ZNF723: variants seen among roughly 807,000 people sequenced by gnomAD.
ZNF723 encodes the protein zinc finger protein 723.
A neutral mutation model predicts 9.4 loss-of-function variants in ZNF723; 5 were observed. The observed-to-expected ratio is 0.53, with a 90% CI of 0.28 to 1.12. The LOEUF is 1.12. Among genes scored for constraint, ZNF723 ranks in the 50% most tolerant of loss-of-function variants. The pLI is 0.10. For missense variants in ZNF723, 450 were observed against 501.5 expected (o/e 0.90, Z 0.98); for synonymous variants, 158 against 168.8 (o/e 0.94, Z 0.49).
chr19:22,837,290 A>AC (rs1452458808), intron 1 of ZNF723, among the ~76,000 whole-genome samples: 1 of 151,256 alleles, frequency 6.6e-6, no homozygotes, highest in Non-Finnish European at 1.5e-5. Context: ...AAAAAAAAAA[A>AC]AGAAAGAAAG....
the ZNF723 span, among the ~76,000 whole-genome samples, chr19:22,820,761 C>T: frequency 5.3e-4 from 81 of 152,260 alleles, no homozygotes; most frequent in African/African-American, 1.7e-3. Flanking sequence ...ACGGCACACA[C>T]GTGATACGGT....
chr19:22,832,484 C>G, intron 1 of ZNF723, 102 bp downstream of exon 1: 1 of 1,196,828 alleles, frequency 8.4e-7, no homozygotes, highest in South Asian at 1.2e-5. Flanking sequence ...GTCAGCCCCA[C>G]AATCTGCGCT....
chr19:22,827,352 A>G (rs1967045399), upstream of ZNF723, among the ~76,000 whole-genome samples: 1 of 152,292 alleles, frequency 6.6e-6, no homozygotes, highest in Admixed American at 6.5e-5. Context: ...ATCATTATCT[A>G]GCTAATTATT....
At chr19:22,846,297 T>A (rs192969580) in intron 1 of ZNF723, among the ~76,000 whole-genome samples, 2 of 152,248 alleles carry the variant, frequency 1.3e-5, no homozygotes, top group East Asian at 3.9e-4. Flanking sequence ...CCATTAGCAC[T>A]ATGCAGAACG....
Position 22,858,218 on chromosome 19 carries a change from CATA to C in ZNF723, c.1329_1331del (p.His443_Lys444delinsGln). On this transcript the variant is annotated inframe_deletion, in exon 4 of 4. Transcript: ENST00000600766. The stretch of plus-strand genomic sequence containing the variant: ...TAGCCAATCCTCAACCCTTACTAAA[CATA>C]AGATAATTCATACTAAAGAGAAACC... The C allele has an allele frequency of 7.3e-7, 1 of 1,370,274 alleles. No individual in the cohort carries two copies. Among genetic ancestry groups the C allele is most frequent in the Non-Finnish European group, 1.0e-6 (1 of 960,854 alleles). The allele number at this position is 1,370,274 out of a possible 1,614,324, so 84.9% of individuals were successfully genotyped here. A position where few individuals can be genotyped will look rare whatever the true frequency, so the allele number is the denominator to read the frequency against.
intron 1 of ZNF723, among the ~76,000 whole-genome samples, chr19:22,838,557 GA>G (rs1179334708): frequency 6.7e-6 from 1 of 149,632 alleles, no homozygotes; most frequent in Non-Finnish European, 1.5e-5. Flanking sequence ...GTCTCAAAAA[GA>G]AAAAAAAAGA....
chr19:22,830,456 C>T (rs545717720), upstream of ZNF723, among the ~76,000 whole-genome samples: 3 of 152,212 alleles, frequency 2.0e-5, no homozygotes, highest in South Asian at 4.2e-4. Context: ...GTGTGAGGCG[C>T]CGTGTGCTTC....
chr19:22,841,863 G>A (rs1967249945), intron 1 of ZNF723, among the ~76,000 whole-genome samples: 1 of 152,064 alleles, frequency 6.6e-6, no homozygotes, highest in Non-Finnish European at 1.5e-5. Flanking sequence ...TCTGAATCTA[G>A]GTCTTGAGAT....
the ZNF723 span, among the ~76,000 whole-genome samples, chr19:22,823,786 C>G: frequency 6.6e-6 from 1 of 152,220 alleles, no homozygotes; most frequent in African/African-American, 2.4e-5. Context: ...TGACATATTT[C>G]TGAATCCAGC....
intron 1 of ZNF723, among the ~76,000 whole-genome samples, chr19:22,847,696 A>C (rs1332810959): frequency 6.6e-6 from 1 of 152,172 alleles, no homozygotes; most frequent in Non-Finnish European, 1.5e-5. Flanking sequence ...TAATGCCTTT[A>C]ATTTTATACT....
chr19:22,839,898 T>C (rs1967218956), intron 1 of ZNF723, among the ~76,000 whole-genome samples: 2 of 152,244 alleles, frequency 1.3e-5, no homozygotes, highest in Non-Finnish European at 2.9e-5. Flanking sequence ...ATATGCTTGT[T>C]AGCCACACGT....
the ZNF723 span, among the ~76,000 whole-genome samples, chr19:22,815,078 G>C: frequency 1.3e-5 from 2 of 151,984 alleles, no homozygotes; most frequent in Non-Finnish European, 2.9e-5. Flanking sequence ...TAGGGGATGT[G>C]ACTCTCCTTT....
chr19:22,825,004 A>G, the ZNF723 span, among the ~76,000 whole-genome samples: 1 of 152,196 alleles, frequency 6.6e-6, no homozygotes, highest in East Asian at 1.9e-4. Context: ...TGAGTGGTAC[A>G]TGGAATGTCA....
intron 1 of ZNF723, among the ~76,000 whole-genome samples, chr19:22,841,895 A>G (rs530843651): frequency 4.6e-5 from 7 of 152,342 alleles, no homozygotes; most frequent in South Asian, 2.1e-4. Flanking sequence ...AAAAAAAGAA[A>G]AAAACAAACC....
the ZNF723 span, among the ~76,000 whole-genome samples, chr19:22,819,640 T>A: frequency 6.6e-6 from 1 of 152,368 alleles, no homozygotes; most frequent in South Asian, 2.1e-4. Context: ...TCTTTTTTAC[T>A]TTGTGAGTCC....
intron 1 of ZNF723, among the ~76,000 whole-genome samples, chr19:22,839,160 C>T (rs576213713): frequency 6.6e-6 from 1 of 152,076 alleles, no homozygotes; most frequent in East Asian, 2.0e-4. Flanking sequence ...GAGCCACCGC[C>T]CTTCTGTATT....
At chr19:22,816,979 G>A in the ZNF723 span, among the ~76,000 whole-genome samples, 2 of 152,224 alleles carry the variant, frequency 1.3e-5, no homozygotes, top group South Asian at 2.1e-4. Context: ...TAGGTGATGC[G>A]GCTATTTTCC....
At chr19:22,843,834 T>G (rs1967276364) in intron 1 of ZNF723, among the ~76,000 whole-genome samples, 1 of 152,134 alleles carries the variant, frequency 6.6e-6, no homozygotes, top group African/African-American at 2.4e-5. Context: ...TTTAAATTGC[T>G]TATTAGTATG....
chr19:22,852,588 T>C, intron 3 of ZNF723, among the ~76,000 whole-genome samples: 1 of 152,206 alleles, frequency 6.6e-6, no homozygotes, highest in East Asian at 1.9e-4. Context: ...ATATTATTTT[T>C]GTGTGGGGAA....
Sources: gnomAD v4.1 joint callset for allele counts (sites outside exome capture counted in the v4.1 genomes callset) on GRCh38, gnomAD v4.1.1 for gene constraint, MANE v1.5 for transcripts, NCBI Gene and HGNC (gene_info 2026-07-23, HGNC 2026-07-21) for gene names.